CHRNB4: variants seen among roughly 807,000 people sequenced by gnomAD.
CHRNB4 encodes the protein neuronal acetylcholine receptor subunit beta-4.
Under a neutral mutation model 40.4 loss-of-function variants are expected in CHRNB4, and 23 were observed. The ratio of observed to expected loss-of-function variants is 0.57; its 90% CI spans 0.41 to 0.81. CHRNB4 has a LOEUF of 0.81. Ranked by LOEUF, CHRNB4 falls within the 30% of genes least tolerant of loss-of-function variation. The pLI, the probability that CHRNB4 is intolerant of heterozygous loss-of-function variation, is 0.00. For synonymous variants in CHRNB4, 285 were observed against 274.4 expected (o/e 1.04, Z -0.38); for missense variants, 568 against 670.6 (o/e 0.85, Z 1.69).
At chr15:78,625,361 CT>C in intron 5 of CHRNB4, 70 bp from the exon 6 acceptor site, 1 of 1,427,590 alleles carries the variant, frequency 7.0e-7, no homozygotes, top group Non-Finnish European at 9.5e-7. Context: ...GAGTCAGGCC[CT>C]TACTCTCTGG....
At chr15:78,652,217 C>T (rs1300259751) in intron 6 of CHRNB4, among the ~76,000 whole-genome samples, 2 of 152,238 alleles carry the variant, frequency 1.3e-5, no homozygotes, top group East Asian at 3.8e-4. Context: ...GTCTCCCAGG[C>T]CCTGCTGCTC....
At chr15:78,659,822 T>TA (rs570276956) in intron 1 of CHRNB4, among the ~76,000 whole-genome samples, 8 of 152,214 alleles carry the variant, frequency 5.3e-5, no homozygotes, top group Non-Finnish European at 1.2e-4. Context: ...ATGATTGCTT[T>TA]AATTGGCTTG....
chr15:78,639,642 T>C (rs2054029357), intron 1 of CHRNB4, among the ~76,000 whole-genome samples: 1 of 152,198 alleles, frequency 6.6e-6, no homozygotes, highest in East Asian at 1.9e-4. Flanking sequence ...ATAAAGAGCT[T>C]ATTACATACT....
chr15:78,629,898 C>G lies in CHRNB4; in HGVS notation c.407G>C (p.Arg136Pro). 6.2e-7 allele frequency: 1 copy of G among 1,610,270 alleles called. No homozygotes were observed. Among genetic ancestry groups the G allele is most frequent in the Non-Finnish European group, 8.5e-7 (1 of 1,179,222 alleles). Residue 136 changes from arginine (R) to proline (P), a missense_variant, in exon 5 of 6, where the codon CGG (arginine) becomes CCG (proline). Physicochemically the swap from Arg to Pro is moderately radical, Grantham distance 103. Transcript: ENST00000261751. The surrounding 1 kb of genome is among the most constrained non-coding windows in gnomAD (Gnocchi z 6.8). ...CAGCCACAGGACGCTGCCGTTGGAC[C>G]GGACTATCAAGTTGGTGTAGACAGA... ...EVSVYTNLIVRSNGSVLWLPP... is the reference protein window; with the variant it reads ...EVSVYTNLIVPSNGSVLWLPP...
chr15:78,651,579 C>A (rs913096477), intron 6 of CHRNB4, among the ~76,000 whole-genome samples: 1 of 152,198 alleles, frequency 6.6e-6, no homozygotes. Context: ...AGAAGTGGAC[C>A]CCTTCTCTGA....
chr15:78,644,975 G>C (rs2054111141), upstream of CHRNB4, among the ~76,000 whole-genome samples: 2 of 152,026 alleles, frequency 1.3e-5, no homozygotes, highest in Non-Finnish European at 2.9e-5. Context: ...CTGATGTTTT[G>C]ACAGCTGAGG....
At chr15:78,651,059 A>G (rs569595230) in intron 6 of CHRNB4, among the ~76,000 whole-genome samples, 4 of 152,100 alleles carry the variant, frequency 2.6e-5, no homozygotes, top group Non-Finnish European at 5.9e-5. Flanking sequence ...GTCCAGTTGA[A>G]GGGTCAGTGA....
chr15:78,625,115 C>T lies in CHRNB4; in HGVS notation c.*18G>A. 6.2e-7 allele frequency: 1 copy of T among 1,613,994 alleles called. No individual in the cohort carries two copies. The highest frequency in any genetic ancestry group is 8.5e-7 in the Non-Finnish European group (1 of 1,180,012). ...ACCCGGCCACTCACATCCTCTCACCCCACAACCCAGGGGGCCCTCAGTCAC... is the reference window on the plus strand; with the variant it reads ...ACCCGGCCACTCACATCCTCTCACCTCACAACCCAGGGGGCCCTCAGTCAC... On this transcript the variant is annotated 3_prime_UTR_variant, in exon 6 of 6. Coordinates refer to ENST00000261751, the MANE Select transcript of CHRNB4 (RefSeq NM_000750.5).
chr15:78,646,355 A>G (rs1442305477), intron 7 of CHRNB4, among the ~76,000 whole-genome samples: 1 of 152,248 alleles, frequency 6.6e-6, no homozygotes, highest in Non-Finnish European at 1.5e-5. Context: ...TTCACACCGT[A>G]CCAAAAATAA....
At chr15:78,627,675 C>T (rs1297581372) in intron 5 of CHRNB4, 1 of 152,150 alleles carries the variant, frequency 6.6e-6, no homozygotes, top group African/African-American at 2.4e-5. Context: ...AATATGAGAA[C>T]ATTCACAAGA....
intron 5 of CHRNB4, among the ~76,000 whole-genome samples, chr15:78,653,690 C>T (rs886513353): frequency 2.6e-5 from 4 of 152,188 alleles, no homozygotes; most frequent in Admixed American, 2.6e-4. Context: ...GGCAAGCCCC[C>T]AAACCAACTA....
chr15:78,655,452 A>ATC (rs1206143314), intron 5 of CHRNB4: 1 of 146,154 alleles, frequency 6.8e-6, no homozygotes, highest in East Asian at 1.9e-4. Flanking sequence ...CTATATCTAT[A>ATC]TATATCTATA....
chr15:78,642,349 G>A (rs1567134836), upstream of CHRNB4, among the ~76,000 whole-genome samples: 1 of 152,236 alleles, frequency 6.6e-6, no homozygotes, highest in South Asian at 2.1e-4. Context: ...ACATGGCAAG[G>A]CTGGAAAATA....
chr15:78,634,331 T>G (rs1242995500), intron 2 of CHRNB4, among the ~76,000 whole-genome samples: 2 of 152,210 alleles, frequency 1.3e-5, no homozygotes, highest in African/African-American at 2.4e-5. Context: ...CCGCAGCAGC[T>G]GGGTTCAACT....
At position 78,629,962 on chromosome 15, in the gene CHRNB4, C is replaced by G. The variant is rs1359634937; in HGVS notation, c.360-17G>C. On this transcript the variant is annotated splice_polypyrimidine_tract_variant and intron_variant, in intron 4 of 5. Coordinates refer to ENST00000261751, the MANE Select transcript of CHRNB4 (RefSeq NM_000750.5). The surrounding 1 kb of genome is among the most constrained non-coding windows in gnomAD (Gnocchi z 6.8). ...CCGTCGGCGCTGGGCAGGGTCAGGG[C>G]ATGGAGAACATCGTGAAACCCATAC... 1 of 1,535,170 alleles carries G rather than the reference C, an allele frequency of 6.5e-7. No individual in the cohort carries two copies. Among genetic ancestry groups the G allele is most frequent in the South Asian group, 1.3e-5 (1 of 79,964 alleles).
At chr15:78,630,988 G>T (rs746129925) in intron 4 of CHRNB4, 88 bp downstream of exon 4, 2 of 1,007,120 alleles carry the variant, frequency 2.0e-6, no homozygotes, top group Non-Finnish European at 3.1e-6. Context: ...TGGGGCTCAG[G>T]GTTGGACTCA....
intron 4 of CHRNB4, chr15:78,656,121 T>G (rs1280920326): frequency 6.6e-6 from 1 of 152,000 alleles, no homozygotes; most frequent in Non-Finnish European, 1.5e-5. Flanking sequence ...CCGGATCACT[T>G]GAGGTCAGGA....
intron 5 of CHRNB4, 97 bp from the exon 6 acceptor site, chr15:78,625,388 G>T: frequency 1.7e-6 from 2 of 1,203,400 alleles, no homozygotes; most frequent in Non-Finnish European, 2.3e-6. Context: ...GACTCCACAG[G>T]CCACAGGCGT....
At chr15:78,645,197 T>G (rs1401130245), upstream of CHRNB4, among the ~76,000 whole-genome samples, 1 of 152,240 alleles carries the variant, frequency 6.6e-6, no homozygotes, top group African/African-American at 2.4e-5. Flanking sequence ...GGGACAGCCC[T>G]ATGCTCTGGA....
Sources: gnomAD v4.1 joint callset for allele counts (sites outside exome capture counted in the v4.1 genomes callset) on GRCh38, gnomAD v4.1.1 for gene constraint, Gnocchi (gnomAD v3.1) non-coding constraint, MANE v1.5 for transcripts, NCBI Gene and HGNC (gene_info 2026-07-23, HGNC 2026-07-21) for gene names.